The following CLUL1 variants were observed in gnomAD, a reference collection of about 807,000 sequenced individuals.
CLUL1 encodes the protein clusterin like 1.
A neutral mutation model predicts 49.4 loss-of-function variants in CLUL1; 43 were observed. The observed-to-expected ratio is 0.87, with a 90% CI of 0.68 to 1.12. The LOEUF is 1.12. Ranked by LOEUF, CLUL1 falls within the 50% of genes most tolerant of loss-of-function variation. The pLI is 0.00. For missense variants in CLUL1, 486 were observed against 544.4 expected (o/e 0.89, Z 1.07); for synonymous variants, 192 against 184.9 (o/e 1.04, Z -0.31).
rs34918478 is a variant in CLUL1, at chr18:649,879, CTTT to C, written c.1398-6_1398-4del. 1.3e-3 allele frequency: 1,517 copies of C among 1,148,494 alleles called. No individual in the cohort carries two copies. Among genetic ancestry groups the C allele is most frequent in the Non-Finnish European group, 1.5e-3 (1,176 of 806,992 alleles). 71.1% of individuals were successfully genotyped at this position (1,148,494 alleles called of 1,614,324 possible). A position where few individuals can be genotyped will look rare whatever the true frequency, so the allele number is the denominator to read the frequency against. On this transcript the variant is annotated splice_polypyrimidine_tract_variant and intron_variant, in intron 9 of 9. Transcript: ENST00000692774. ...TTATTAGTATTTTGATCATTGCTGC[CTTT>C]TTTTTTTTTTTTAAGGTAAGAAGAT... is the stretch of plus-strand genomic sequence containing the variant.
chr18:617,595 CAAAA>C (rs11422881), intron 2 of CLUL1, among the ~76,000 whole-genome samples: 2 of 82,044 alleles, frequency 2.4e-5, no homozygotes, highest in African/African-American at 1.0e-4. Flanking sequence ...AACTCCGTCT[CAAAA>C]AAAAAAAAAA....
At chr18:620,490 GGGTGC>G (rs2073456916) in intron 4 of CLUL1, among the ~76,000 whole-genome samples, 2 of 151,912 alleles carry the variant, frequency 1.3e-5, no homozygotes, top group Non-Finnish European at 2.9e-5. Flanking sequence ...CATTACAATT[GGGTGC>G]ATGTGAACAG....
intron 5 of CLUL1, among the ~76,000 whole-genome samples, chr18:626,863 A>AGAAAGAAAG (rs1567966220): frequency 1.1e-5 from 1 of 94,118 alleles, no homozygotes; most frequent in Non-Finnish European, 2.3e-5. Context: ...TCCATCTCAA[A>AGAAAGAAAG]TAAGAAAGAA....
At chr18:639,023 C>T (rs1567975225) in intron 7 of CLUL1, among the ~76,000 whole-genome samples, 1 of 152,186 alleles carries the variant, frequency 6.6e-6, no homozygotes, top group African/African-American at 2.4e-5. Context: ...TCTTCCTACT[C>T]ATATCATGTG....
intron 5 of CLUL1, among the ~76,000 whole-genome samples, chr18:626,858 CT>C (rs1346377633): frequency 1.9e-4 from 22 of 113,484 alleles, no homozygotes; most frequent in South Asian, 6.1e-4. Flanking sequence ...AAGACTCCAT[CT>C]CAAATAAGAA....
chr18:612,145 A>G (rs900421494), intron 2 of CLUL1, among the ~76,000 whole-genome samples: 2 of 152,192 alleles, frequency 1.3e-5, no homozygotes, highest in African/African-American at 4.8e-5. Flanking sequence ...TTGCTTTCCC[A>G]TAGTCCATTC....
At chr18:603,557 T>C (rs1435776499) in intron 1 of CLUL1, among the ~76,000 whole-genome samples, 1 of 152,156 alleles carries the variant, frequency 6.6e-6, no homozygotes, top group Non-Finnish European at 1.5e-5. Flanking sequence ...TCCTCCATCA[T>C]TAACATCTTA....
At chr18:599,055 A>G (rs2072743101) in intron 1 of CLUL1, among the ~76,000 whole-genome samples, 1 of 152,240 alleles carries the variant, frequency 6.6e-6, no homozygotes, top group South Asian at 2.1e-4. Context: ...TACCTCTACA[A>G]TACATAAAAG....
At chr18:633,265 G>T in intron 6 of CLUL1, 33 bp from the exon 7 acceptor site, 1 of 1,564,576 alleles carries the variant, frequency 6.4e-7, no homozygotes, top group South Asian at 1.2e-5. Context: ...AAACTCTTAT[G>T]ACACTAACGT....
chr18:649,797 C>T (rs1034731057), intron 9 of CLUL1, 101 bp from the exon 10 acceptor site: 1 of 781,800 alleles, frequency 1.3e-6, no homozygotes, highest in Non-Finnish European at 2.2e-6. Context: ...AGCAGGTATT[C>T]TATTACCCAT....
In CLUL1 at chr18:627,378, G is replaced by T. The variant is rs1295517937; in HGVS notation, c.705G>T (p.Glu235Asp). The T allele has an allele frequency of 6.2e-7, 1 of 1,614,142 alleles. No homozygotes were observed. Among genetic ancestry groups the T allele is most frequent in the South Asian group, 1.1e-5 (1 of 91,082 alleles). Residue 235 changes from glutamate (E) to aspartate (D), a missense_variant, in exon 6 of 10, where the codon GAG becomes GAT. By Grantham distance (45) the Glu-to-Asp change is conservative. Transcript: ENST00000692774. The part of the protein sequence containing the change: ...EPYFFPAFSK[E>D]PMTKADLEQC... ...ACTTTTTTCCAGCTTTCTCTAAAGA[G>T]CCGATGACAAAAGCAGATCTTGAGC... is the stretch of plus-strand genomic sequence containing the variant.
At chr18:621,067 T>G (rs944704763) in intron 4 of CLUL1, among the ~76,000 whole-genome samples, 1 of 152,218 alleles carries the variant, frequency 6.6e-6, no homozygotes, top group Non-Finnish European at 1.5e-5. Flanking sequence ...AGTGTAACGT[T>G]CAGTAGTGTT....
chr18:620,693 A>G (rs1393607362), intron 4 of CLUL1, among the ~76,000 whole-genome samples: 1 of 152,200 alleles, frequency 6.6e-6, no homozygotes, highest in Non-Finnish European at 1.5e-5. Flanking sequence ...CTATAGCTTG[A>G]ATTACATATT....
intron 7 of CLUL1, among the ~76,000 whole-genome samples, chr18:637,786 C>T (rs113551558): frequency 0.14 from 21,054 of 151,850 alleles, 2,176 homozygotes; most frequent in African/African-American, 0.29. Flanking sequence ...ACCAGCCTGG[C>T]CAACATGGCG....
In CLUL1 at chr18:645,029, G is replaced by C; in HGVS notation, c.1329G>C (p.Glu443Asp). Reference protein sequence around the residue: ...TLKIPLEESAESSNFIGYVVA... With the variant: ...TLKIPLEESADSSNFIGYVVA... ...AGATCCCTCTTGAAGAAAGTGCTGA[G>C]AGTTCTAACTTCATTGGCTACGTAG... Residue 443 changes from glutamate (E) to aspartate (D), a missense_variant, in exon 9 of 10, where the codon GAG (glutamate) becomes GAC (aspartate). By Grantham distance (45) the Glu-to-Asp change is conservative. Transcript: ENST00000692774. The C allele has an allele frequency of 6.2e-7, 1 of 1,613,418 alleles. No homozygotes were observed. The highest frequency in any genetic ancestry group is 8.5e-7 in the Non-Finnish European group (1 of 1,179,740).
intron 7 of CLUL1, among the ~76,000 whole-genome samples, chr18:640,331 G>A (rs1406729095): frequency 6.6e-6 from 1 of 151,760 alleles, no homozygotes; most frequent in East Asian, 1.9e-4. Flanking sequence ...TACCACTTGA[G>A]CCCAGGAGTT....
chr18:597,677 C>T (rs1315223390), intron 1 of CLUL1: 1 of 152,282 alleles, frequency 6.6e-6, no homozygotes, highest in Non-Finnish European at 1.5e-5. Context: ...CACTGCACTC[C>T]AGCCTGGACA....
chr18:649,700 C>T (rs552349281), intron 9 of CLUL1, 198 bp from the exon 10 acceptor site: 75 of 497,456 alleles, frequency 1.5e-4, no homozygotes, highest in African/African-American at 1.3e-3. Flanking sequence ...AAAGCTGTGA[C>T]GATTTCTTCA....
chr18:617,509 C>T (rs1035891314), intron 2 of CLUL1, among the ~76,000 whole-genome samples: 1 of 147,756 alleles, frequency 6.8e-6, no homozygotes, highest in African/African-American at 2.5e-5. Context: ...GCAGGAGAAT[C>T]ACTTGAACCT....
Sources: allele counts gnomAD v4.1 joint callset (sites outside exome capture counted in the v4.1 genomes callset), GRCh38; gene constraint gnomAD v4.1.1; transcripts MANE v1.5; gene names NCBI Gene and HGNC (gene_info 2026-07-23, HGNC 2026-07-21).